WDPCP: variants seen among roughly 807,000 people sequenced by gnomAD.
WDPCP encodes WD repeat-containing and planar cell polarity effector protein fritz homolog.
WDPCP carries 71 observed loss-of-function variants against 93.1 expected under a neutral mutation model. The ratio of observed to expected loss-of-function variants is 0.76; its 90% CI spans 0.63 to 0.93. The LOEUF (loss-of-function observed/expected upper bound fraction) is 0.93, where lower values mean the gene tolerates loss of function less well. Among genes scored for constraint, WDPCP ranks in the 40% least tolerant of loss-of-function variants. The pLI is 0.00. For missense variants in WDPCP, 844 were observed against 887.4 expected (o/e 0.95, Z 0.62); for synonymous variants, 315 against 315.0 (o/e 1.00, Z 0.00).
rs1701811584 is a variant in WDPCP, at chr2:63,505,448, G to C, written c.76-12508C>G. Among the ~76,000 whole-genome samples the C allele has an allele frequency of 2.6e-5, 4 of 152,032 alleles. No homozygotes were observed. In the South Asian group the frequency reaches 8.3e-4, roughly 32 times the overall value. ...CTTAAAATGTTAATTCCCTAATATA[G>C]TAGGAAATTATTACCTGATATTTAA... On this transcript the variant is annotated intron_variant, in intron 1 of 17. Transcript: ENST00000272321.
upstream of WDPCP, chr2:63,588,912 G>C: frequency 1.6e-6 from 2 of 1,242,974 alleles, no homozygotes; most frequent in South Asian, 2.4e-5. Context: ...TTCCCAGAGA[G>C]CGCCGCGTCG....
At chr2:63,689,628 T>C (rs1326395076) in intron 2 of WDPCP, among the ~76,000 whole-genome samples, 2 of 152,208 alleles carry the variant, frequency 1.3e-5, no homozygotes, top group African/African-American at 2.4e-5. Context: ...GGGGTTAACC[T>C]TATTCAGTGG....
chr2:63,496,793 C>A (rs1280737366), intron 1 of WDPCP, among the ~76,000 whole-genome samples: 1 of 152,064 alleles, frequency 6.6e-6, no homozygotes, highest in African/African-American at 2.4e-5. Flanking sequence ...CCTTTTGTGG[C>A]CCCACAGGGA....
At position 63,758,596 on chromosome 2, in the gene WDPCP, G is replaced by T. The variant is rs148335003; in HGVS notation, n.308+55026C>A. On this transcript the variant is annotated intron_variant and non_coding_transcript_variant, in intron 2 of 4. Coordinates refer to the WDPCP transcript ENST00000467687. ...TGGGACTACAGGCACATGCCACCAC[G>T]GCTGGCTAATTTTTGTATCTTTTTG... 4.4e-4 allele frequency among the ~76,000 whole-genome samples: 67 copies of T among 152,060 alleles called. 1 individual carries two copies. The East Asian group carries it at 0.011, about 26-fold the overall frequency.
intron 12 of WDPCP, among the ~76,000 whole-genome samples, chr2:63,317,147 C>G (rs771625547): frequency 2.0e-5 from 3 of 152,094 alleles, no homozygotes; most frequent in Non-Finnish European, 2.9e-5. Context: ...TATCCAACTA[C>G]TACTGACATT....
chr2:63,575,406 TAC>T (rs1204847351), intron 1 of WDPCP, among the ~76,000 whole-genome samples: 1 of 84,500 alleles, frequency 1.2e-5, no homozygotes, highest in East Asian at 3.8e-4. Context: ...ACAGTATATA[TAC>T]AGTATATACA....
chr2:63,404,533 C>G lies in WDPCP; in HGVS notation c.950G>C (p.Cys317Ser). The change falls in exon 10 of 18, where the codon TGC becomes TCC. Residue 317 changes from cysteine (C) to serine (S), a missense_variant. By Grantham distance (112) the Cys-to-Ser change is moderately radical (BLOSUM62 -1). Transcript: ENST00000272321. Reference sequence around the variant, plus strand: ...TTTATTCCGAATGCATTCATAGATGCAGCTGTCAGCCATGGGCTCTTTGTC... The same window carrying G: ...TTTATTCCGAATGCATTCATAGATGGAGCTGTCAGCCATGGGCTCTTTGTC... ...SVDKEPMADSCIYECIRNKIQ... is the reference protein window; with the variant it reads ...SVDKEPMADSSIYECIRNKIQ... The G allele has an allele frequency of 2.5e-6, 4 of 1,613,524 alleles. No individual in the cohort carries two copies. The highest frequency in any genetic ancestry group is 3.4e-6 in the Non-Finnish European group (4 of 1,179,608).
intron 12 of WDPCP, among the ~76,000 whole-genome samples, chr2:63,349,800 C>T (rs746290285): frequency 6.6e-6 from 1 of 152,158 alleles, no homozygotes; most frequent in African/African-American, 2.4e-5. Context: ...GCTAGCTCTA[C>T]CCCCTGGTTT....
chr2:63,310,694 A>ATTTTTTTGC (rs1202210821), intron 13 of WDPCP, among the ~76,000 whole-genome samples: 6 of 112,610 alleles, frequency 5.3e-5, no homozygotes, highest in Non-Finnish European at 1.2e-4. Context: ...TAAAAAGTCT[A>ATTTTTTTGC]AAATATTTGC....
intron 3 of WDPCP, chr2:63,605,018 C>G: frequency 2.6e-6 from 2 of 760,124 alleles, no homozygotes; most frequent in Non-Finnish European, 4.2e-6. Context: ...CAGTCATGAT[C>G]TAGTGTGATC....
intron 2 of WDPCP, among the ~76,000 whole-genome samples, chr2:63,782,202 A>G (rs1398368810): frequency 6.6e-6 from 1 of 152,232 alleles, no homozygotes; most frequent in Non-Finnish European, 1.5e-5. Context: ...ACTTGAAACT[A>G]TAAAAATACT....
intron 2 of WDPCP, among the ~76,000 whole-genome samples, chr2:63,755,876 T>C (rs1278833293): frequency 1.3e-5 from 2 of 152,236 alleles, no homozygotes; most frequent in African/African-American, 4.8e-5. Context: ...AAATATTCTA[T>C]CCCTTCTTTA....
intron 14 of WDPCP, among the ~76,000 whole-genome samples, chr2:63,238,081 G>A (rs1679558674): frequency 6.6e-6 from 1 of 151,230 alleles, no homozygotes; most frequent in Admixed American, 6.6e-5. Context: ...AATGGCAGGT[G>A]GTATATCATG....
At chr2:63,574,837 T>C (rs965873006) in intron 1 of WDPCP, among the ~76,000 whole-genome samples, 7 of 152,156 alleles carry the variant, frequency 4.6e-5, no homozygotes, top group African/African-American at 1.7e-4. Context: ...TTCCTGTCCA[T>C]AGAAATGCAA....
chr2:63,365,009 C>G (rs1355497870), intron 12 of WDPCP, among the ~76,000 whole-genome samples: 3 of 152,178 alleles, frequency 2.0e-5, no homozygotes, highest in African/African-American at 7.2e-5. Context: ...TCCAAAAGAA[C>G]TGTATTTACA....
chr2:63,138,835 T>C (rs1469985551), intron 17 of WDPCP, among the ~76,000 whole-genome samples: 1 of 152,092 alleles, frequency 6.6e-6, no homozygotes, highest in Non-Finnish European at 1.5e-5. Context: ...ATTAGTACTC[T>C]TTTATCCCTC....
At chr2:63,484,684 A>G (rs770545353) in intron 5 of WDPCP, 21 bp from the exon 6 acceptor site, 19 of 1,612,686 alleles carry the variant, frequency 1.2e-5, no homozygotes, top group Non-Finnish European at 1.5e-5. Context: ...ACAGAAAAAG[A>G]GAGAGCGTAG....
At chr2:63,331,090 A>C (rs1687945279) in intron 12 of WDPCP, among the ~76,000 whole-genome samples, 1 of 152,128 alleles carries the variant, frequency 6.6e-6, no homozygotes, top group Non-Finnish European at 1.5e-5. Context: ...TCTTCAGCTC[A>C]AGAAATTCAC....
In WDPCP at chr2:63,774,323, AT is replaced by A. The variant is rs901735322; in HGVS notation, n.308+39298del. On this transcript the variant is annotated intron_variant and non_coding_transcript_variant, in intron 2 of 4. Transcript: ENST00000467687. ...AAATGAAGGCATAGCTGCAGATAGA[AT>A]TTTTTTTGCTTTCATCTTTACTGAA... is the stretch of plus-strand genomic sequence containing the variant. Among the ~76,000 whole-genome samples the A allele has an allele frequency of 3.9e-5, 6 of 152,012 alleles. No homozygotes were observed. In the South Asian group the frequency reaches 1.0e-3, roughly 26 times the overall value.
Sources: gnomAD v4.1 joint callset for allele counts (sites outside exome capture counted in the v4.1 genomes callset) on GRCh38, gnomAD v4.1.1 for gene constraint, MANE v1.5 for transcripts, NCBI Gene and HGNC (gene_info 2026-07-23, HGNC 2026-07-21) for gene names.